The following ZNF536 variants were observed in gnomAD, a reference collection of about 807,000 sequenced individuals.
ZNF536 encodes zinc finger protein 536.
In ZNF536, 13 loss-of-function variants were observed where a neutral mutation model predicts 84.5. That is an observed-to-expected ratio of 0.15 (90% confidence interval 0.10 to 0.24). The LOEUF is 0.24. ZNF536 is among the 10% of genes least tolerant of loss of function. The probability of loss-of-function intolerance (pLI) is 1.00; values close to 1 mark genes in which losing one functional copy is unlikely to be tolerated. For missense variants in ZNF536, 1,536 were observed against 1,747.5 expected (o/e 0.88, Z 2.16); for synonymous variants, 811 against 742.5 (o/e 1.09, Z -1.50).
intron 1 of ZNF536, among the ~76,000 whole-genome samples, chr19:30,608,713 G>A (rs949385367): frequency 2.6e-5 from 4 of 152,198 alleles, no homozygotes; most frequent in Admixed American, 6.5e-5. Flanking sequence ...AGTTCTTGTT[G>A]TGTGTTTCCA....
At chr19:30,661,997 A>G (rs2050138916) in intron 1 of ZNF536, among the ~76,000 whole-genome samples, 1 of 152,170 alleles carries the variant, frequency 6.6e-6, no homozygotes, top group Admixed American at 6.5e-5. Context: ...TGTTTGAATA[A>G]CCATCCCCTG....
At chr19:30,522,891 C>T (rs772051422) in intron 2 of ZNF536, among the ~76,000 whole-genome samples, 53 of 152,132 alleles carry the variant, frequency 3.5e-4, no homozygotes, top group Admixed American at 3.3e-4. Context: ...AAACAGCAAC[C>T]GTTAGTATCA....
intron 3 of ZNF536, among the ~76,000 whole-genome samples, chr19:30,545,853 G>A (rs1008204047): frequency 4.6e-5 from 7 of 152,172 alleles, no homozygotes; most frequent in Non-Finnish European, 1.0e-4. Context: ...GAATGCCCGT[G>A]CTTTCTCTAT....
intron 1 of ZNF536, among the ~76,000 whole-genome samples, chr19:30,264,179 A>G (rs938368120): frequency 1.3e-5 from 2 of 152,214 alleles, no homozygotes; most frequent in African/African-American, 4.8e-5. Flanking sequence ...AAATGGTGCT[A>G]ATCAGCCCGG....
At chr19:30,688,002 T>A (rs2051261168) in intron 1 of ZNF536, among the ~76,000 whole-genome samples, 1 of 123,964 alleles carries the variant, frequency 8.1e-6, no homozygotes, top group Admixed American at 9.1e-5. Context: ...AGCATAACAA[T>A]GTGTTTATGA....
chr19:30,244,806 G>A (rs1198614886), intron 1 of ZNF536, among the ~76,000 whole-genome samples: 1 of 152,212 alleles, frequency 6.6e-6, no homozygotes, highest in East Asian at 1.9e-4. Flanking sequence ...TGCAAGGAGG[G>A]CAGCATTTGG....
chr19:30,383,938 C>CCCTTCCCTCCCCTCA (rs2049183005), intron 1 of ZNF536, among the ~76,000 whole-genome samples: 1 of 31,846 alleles, frequency 3.1e-5, no homozygotes, highest in Non-Finnish European at 5.9e-5. Context: ...CCCTTCCCTT[C>CCCTTCCCTCCCCTCA]CCTCCCCTCC....
At chr19:30,700,130 T>A (rs2051844119) in intron 1 of ZNF536, among the ~76,000 whole-genome samples, 1 of 138,340 alleles carries the variant, frequency 7.2e-6, no homozygotes, top group Non-Finnish European at 1.6e-5. Flanking sequence ...CCCTGTCTCT[T>A]TCTTTCCCTT....
Position 30,242,354 on chromosome 19 carries a change from C to G in ZNF536, c.-190+13681C>G, listed in dbSNP as rs545988026. 5.9e-5 allele frequency among the ~76,000 whole-genome samples: 9 copies of G among 152,240 alleles called. No homozygotes were observed. The South Asian group carries it at 1.9e-3, about 32-fold the overall frequency. ...GTGATGCCTGGCTCCCCTCTGCTTC[C>G]CGGTCGGCTACCCCCAGCTTTAGGG... On this transcript the variant is annotated intron_variant, in intron 1 of 5. Transcript: ENST00000585628.
intron 1 of ZNF536, among the ~76,000 whole-genome samples, chr19:30,408,953 C>G (rs576800481): frequency 1.3e-5 from 2 of 151,472 alleles, no homozygotes; most frequent in South Asian, 4.2e-4. Flanking sequence ...ATTCATCCAT[C>G]TATCCACCCA....
At chr19:30,420,872 C>T (rs748594909) in intron 1 of ZNF536, among the ~76,000 whole-genome samples, 5 of 152,130 alleles carry the variant, frequency 3.3e-5, no homozygotes, top group Non-Finnish European at 5.9e-5. Context: ...GTGAATCGTC[C>T]ATTTGGGCCA....
chr19:30,385,788 C>A (rs927022217), intron 1 of ZNF536, among the ~76,000 whole-genome samples: 2 of 152,168 alleles, frequency 1.3e-5, no homozygotes, highest in African/African-American at 2.4e-5. Context: ...TCATGAATCT[C>A]CTGTCTTCTG....
At chr19:30,357,091 C>T (rs1035881159) in intron 3 of ZNF536, among the ~76,000 whole-genome samples, 2 of 152,214 alleles carry the variant, frequency 1.3e-5, no homozygotes, top group Admixed American at 6.5e-5. Flanking sequence ...AACAAGGAAA[C>T]CAGTGGATAT....
chr19:30,589,092 T>C (rs1277789970), intron 1 of ZNF536, among the ~76,000 whole-genome samples: 1 of 152,124 alleles, frequency 6.6e-6, no homozygotes, highest in Non-Finnish European at 1.5e-5. Flanking sequence ...TTAGAGGACA[T>C]TAGATTTTGG....
chr19:30,691,148 A>G (rs993751893), intron 1 of ZNF536, among the ~76,000 whole-genome samples: 1 of 152,154 alleles, frequency 6.6e-6, no homozygotes, highest in Non-Finnish European at 1.5e-5. Flanking sequence ...AAGATCTTTC[A>G]AAAGCAAATC....
At chr19:30,348,232 A>G (rs181201573) in intron 2 of ZNF536, among the ~76,000 whole-genome samples, 10 of 152,350 alleles carry the variant, frequency 6.6e-5, no homozygotes, top group Admixed American at 2.6e-4. Flanking sequence ...AACAAATAAA[A>G]CACGAAGAAA....
intron 2 of ZNF536, among the ~76,000 whole-genome samples, chr19:30,487,574 CAT>C (rs1407818559): frequency 3.3e-5 from 5 of 151,868 alleles, no homozygotes; most frequent in Non-Finnish European, 7.4e-5. Flanking sequence ...TTCTTTTGTC[CAT>C]ATGTTTTATG....
exon 2 of ZNF536, chr19:30,712,405 T>A (rs1600364815): frequency 6.6e-6 from 1 of 151,364 alleles, no homozygotes; most frequent in Non-Finnish European, 1.5e-5. Flanking sequence ...ATTAACTTCT[T>A]CTAAAACAAA....
Position 30,429,258 on chromosome 19 carries a change from T to C in ZNF536, c.-2-14303T>C, listed in dbSNP as rs558495751. ...CACACCTGCTAGTGTGAGGCTCTGC[T>C]CTTGGCACTTGGGAATGTTGCCCTG... On this transcript the variant is annotated intron_variant, in intron 1 of 4. Transcript: ENST00000355537. Among the ~76,000 whole-genome samples, 41 of 152,290 alleles carry C rather than the reference T, an allele frequency of 2.7e-4. 1 individual carries two copies. Among genetic ancestry groups the C allele is most frequent in the African/African-American group, 9.1e-4 (38 of 41,568 alleles).
Sources: allele counts gnomAD v4.1 joint callset (sites outside exome capture counted in the v4.1 genomes callset), GRCh38; gene constraint gnomAD v4.1.1; transcripts MANE v1.5; gene names NCBI Gene and HGNC (gene_info 2026-07-23, HGNC 2026-07-21).